The following SH3BP2 variants were observed in gnomAD, a reference collection of about 807,000 sequenced individuals.
The protein encoded by SH3BP2 is SH3 domain-binding protein 2.
SH3BP2 carries 38 observed loss-of-function variants against 56.2 expected under a neutral mutation model. The ratio of observed to expected loss-of-function variants is 0.68; its 90% CI spans 0.52 to 0.89. SH3BP2 has a LOEUF of 0.89. SH3BP2 is among the 40% of genes least tolerant of loss of function. The pLI is 0.00. For missense variants in SH3BP2, 748 were observed against 762.6 expected, an observed-to-expected ratio of 0.98 and a Z score of 0.23; for synonymous variants, 346 against 316.7, an observed-to-expected ratio of 1.09 and a Z score of -0.98.
intron 1 of SH3BP2, among the ~76,000 whole-genome samples, chr4:2,813,297 G>A (rs562050618): frequency 1.3e-5 from 2 of 152,346 alleles, no homozygotes; most frequent in South Asian, 2.1e-4. Flanking sequence ...GGGGTGGTGC[G>A]TGAGCCACCA....
intron 1 of SH3BP2, chr4:2,818,625 C>A: frequency 1.3e-6 from 1 of 762,256 alleles, no homozygotes; most frequent in Non-Finnish European, 1.6e-6. Flanking sequence ...GGACTGGGCA[C>A]GGGGCTCCCT....
intron 1 of SH3BP2, among the ~76,000 whole-genome samples, chr4:2,807,403 G>A (rs1035752509): frequency 6.6e-6 from 1 of 152,174 alleles, no homozygotes; most frequent in African/African-American, 2.4e-5. Flanking sequence ...CTTCTCTTGG[G>A]TCCTGCCATG....
chr4:2,817,876 T>A (rs1412511150), intron 1 of SH3BP2: 1 of 152,010 alleles, frequency 6.6e-6, no homozygotes, highest in Non-Finnish European at 1.5e-5. Context: ...CCCGGCGGGA[T>A]GGGACCTGGG....
intron 1 of SH3BP2, among the ~76,000 whole-genome samples, chr4:2,798,766 A>G (rs1336028933): frequency 6.6e-6 from 1 of 152,198 alleles, no homozygotes; most frequent in African/African-American, 2.4e-5. Context: ...TCCCGTTGCC[A>G]TCACCTCTTG....
intron 1 of SH3BP2, among the ~76,000 whole-genome samples, chr4:2,795,559 G>A (rs1301275495): frequency 2.6e-5 from 4 of 152,224 alleles, no homozygotes; most frequent in African/African-American, 7.2e-5. Flanking sequence ...AGGGCAGGCT[G>A]GCGGGGAAAA....
chr4:2,805,607 C>T (rs1723501737), intron 1 of SH3BP2, among the ~76,000 whole-genome samples: 1 of 152,208 alleles, frequency 6.6e-6, no homozygotes, highest in Non-Finnish European at 1.5e-5. Flanking sequence ...AGAGATCTCT[C>T]CCCACAGAAC....
intron 1 of SH3BP2, among the ~76,000 whole-genome samples, chr4:2,804,269 A>G (rs564908389): frequency 2.0e-5 from 3 of 152,276 alleles, no homozygotes; most frequent in Middle Eastern, 6.8e-3. Context: ...CTCAGCACTA[A>G]GTCCTGGGTC....
intron 5 of SH3BP2, chr4:2,826,898 T>C (rs1724680229): frequency 1.9e-6 from 1 of 534,720 alleles, no homozygotes; most frequent in African/African-American, 1.9e-5. Context: ...TGTCCCTGTG[T>C]CTTTGTGTAT....
At position 2,830,097 on chromosome 4, in the gene SH3BP2, G is replaced by A. The variant is rs778524532; in HGVS notation, c.1191G>A (p.Ala397=). 85 of 1,606,896 alleles carry A rather than the reference G, an allele frequency of 5.3e-5. No homozygotes were observed. The highest frequency in any genetic ancestry group is 7.0e-5 in the Non-Finnish European group (83 of 1,179,140). ...ALKLPVPEAM[A]RPAVLPRPEK... is the part of the protein sequence containing the mutation. ...AGCTGCCAGTGCCTGAGGCCATGGC[G>A]CGGCCCGCAGTCCTGCCCAGGCCAG... The change falls in exon 8 of 13, where the codon GCG becomes GCA. Residue 397 remains alanine (A), a synonymous_variant. Coordinates refer to ENST00000503393, the MANE Select transcript of SH3BP2 (RefSeq NM_001122681.2).
At chr4:2,811,889 A>C in intron 1 of SH3BP2, 1 of 177,172 alleles carries the variant, frequency 5.6e-6, no homozygotes, top group Non-Finnish European at 1.2e-5. Flanking sequence ...CCTGGCAGGA[A>C]GAGCATGCTG....
chr4:2,818,831 C>G (rs906111335), intron 1 of SH3BP2: 10 of 986,190 alleles, frequency 1.0e-5, no homozygotes, highest in Non-Finnish European at 1.2e-5. Context: ...GTGACCCAGG[C>G]CGAGGCCGGC....
chr4:2,823,389 T>C (rs1220760624), intron 3 of SH3BP2: 1 of 468,028 alleles, frequency 2.1e-6, no homozygotes, highest in South Asian at 1.5e-5. Flanking sequence ...CATGACCTCT[T>C]TCCAGGCAGC....
At chr4:2,809,744 A>G in intron 1 of SH3BP2, 1 of 979,864 alleles carries the variant, frequency 1.0e-6, no homozygotes, top group African/African-American at 1.8e-5. Context: ...AGGCTCCCAG[A>G]ACCCAGTGAA....
intron 5 of SH3BP2, 80 bp from the exon 6 acceptor site, chr4:2,827,150 T>C (rs1266762196): frequency 3.7e-6 from 4 of 1,094,092 alleles, no homozygotes; most frequent in South Asian, 1.2e-5. Flanking sequence ...CGCGTGTGCC[T>C]GTGTGTACCT....
chr4:2,796,763 G>A (rs1723079458), intron 1 of SH3BP2: 1 of 152,364 alleles, frequency 6.6e-6, no homozygotes, highest in African/African-American at 2.4e-5. Context: ...CAAGCCTGCA[G>A]AGGGAGGCCA....
At chr4:2,809,727 G>C in intron 1 of SH3BP2, 1 of 931,790 alleles carries the variant, frequency 1.1e-6, no homozygotes, top group Non-Finnish European at 1.3e-6. Flanking sequence ...ACTCCTGAGC[G>C]GGCTGAAGGC....
chr4:2,812,083 C>G, intron 1 of SH3BP2: 1 of 1,039,822 alleles, frequency 9.6e-7, no homozygotes, highest in Non-Finnish European at 1.3e-6. Context: ...CCAGAGAGCC[C>G]TGGCCTCTGA....
intron 8 of SH3BP2, among the ~76,000 whole-genome samples, chr4:2,830,435 C>T (rs939692022): frequency 1.3e-5 from 2 of 152,226 alleles, no homozygotes; most frequent in African/African-American, 4.8e-5. Context: ...GATCTCAGCT[C>T]ACTGCAACCT....
chr4:2,815,697 G>A (rs972364586), intron 1 of SH3BP2, among the ~76,000 whole-genome samples: 1 of 152,230 alleles, frequency 6.6e-6, no homozygotes, highest in Non-Finnish European at 1.5e-5. Context: ...ATGCCCCAGG[G>A]TAGGGGCTCT....
Sources: allele counts gnomAD v4.1 joint callset (sites outside exome capture counted in the v4.1 genomes callset), GRCh38; gene constraint gnomAD v4.1.1; transcripts MANE v1.5; gene names NCBI Gene and HGNC (gene_info 2026-07-23, HGNC 2026-07-21).